The following GMDS variants were observed in gnomAD, a reference collection of about 807,000 sequenced individuals.
The protein encoded by GMDS is GDP-mannose 4,6 dehydratase.
In GMDS, 20 loss-of-function variants were observed where a neutral mutation model predicts 49.9. The observed-to-expected ratio is 0.40, with a 90% confidence interval of 0.28 to 0.58. The LOEUF (loss-of-function observed/expected upper bound fraction) is 0.58, where lower values mean the gene tolerates loss of function less well. Ranked by LOEUF, GMDS falls within the 20% of genes least tolerant of loss-of-function variation. The pLI, the probability that GMDS is intolerant of heterozygous loss-of-function variation, is 0.42. For missense variants in GMDS, 362 were observed against 481.4 expected (o/e 0.75, Z 2.32); for synonymous variants, 177 against 178.6 (o/e 0.99, Z 0.07).
intron 6 of GMDS, among the ~76,000 whole-genome samples, chr6:1,948,467 T>TA (rs1286680770): frequency 3.9e-5 from 6 of 152,138 alleles, no homozygotes; most frequent in Admixed American, 6.5e-5. Flanking sequence ...ACAGGACCAT[T>TA]AAAAAAATAC....
At chr6:1,895,619 C>T (rs1391931332) in intron 7 of GMDS, among the ~76,000 whole-genome samples, 1 of 152,214 alleles carries the variant, frequency 6.6e-6, no homozygotes, top group Non-Finnish European at 1.5e-5. Flanking sequence ...TTTTATTGAA[C>T]AGACGTGCTT....
chr6:1,943,060 T>C (rs1762893585), intron 6 of GMDS, among the ~76,000 whole-genome samples: 1 of 152,216 alleles, frequency 6.6e-6, no homozygotes, highest in African/African-American at 2.4e-5. Flanking sequence ...AAACTGCCTA[T>C]GGGCCGGAAG....
chr6:2,119,974 T>C (rs1325316151), intron 2 of GMDS, among the ~76,000 whole-genome samples: 1 of 152,226 alleles, frequency 6.6e-6, no homozygotes, highest in African/African-American at 2.4e-5. Context: ...ATTTATTAAT[T>C]ATGATCAAGA....
intron 7 of GMDS, among the ~76,000 whole-genome samples, chr6:1,868,061 A>G (rs1216963853): frequency 6.6e-6 from 1 of 151,020 alleles, no homozygotes; most frequent in Non-Finnish European, 1.5e-5. Flanking sequence ...ATCTTGGCTC[A>G]CTGCAACCTC....
intron 9 of GMDS, among the ~76,000 whole-genome samples, chr6:1,678,327 C>A (rs1290930448): frequency 2.0e-5 from 3 of 152,188 alleles, no homozygotes; most frequent in African/African-American, 7.2e-5. Flanking sequence ...TAGTCAATCA[C>A]CCTCCCAATG....
At chr6:2,169,620 G>GC (rs1285556745) in intron 1 of GMDS, among the ~76,000 whole-genome samples, 2 of 93,108 alleles carry the variant, frequency 2.1e-5, no homozygotes, top group African/African-American at 1.6e-4. Flanking sequence ...CCACCAGGCA[G>GC]CAAAAAAAAA....
At chr6:1,769,346 G>T (rs1768484045) in intron 7 of GMDS, among the ~76,000 whole-genome samples, 2 of 152,342 alleles carry the variant, frequency 1.3e-5, no homozygotes, top group Non-Finnish European at 1.5e-5. Flanking sequence ...CAAAGCTGGA[G>T]GAAATAAAGA....
At chr6:1,958,241 A>C (rs1444474621) in intron 6 of GMDS, among the ~76,000 whole-genome samples, 1 of 151,892 alleles carries the variant, frequency 6.6e-6, no homozygotes, top group East Asian at 1.9e-4. Context: ...TTTACTTTGC[A>C]ACCCAGGAAT....
At chr6:2,122,223 T>G (rs146988235) in intron 2 of GMDS, among the ~76,000 whole-genome samples, 1 of 152,190 alleles carries the variant, frequency 6.6e-6, no homozygotes, top group Non-Finnish European at 1.5e-5. Flanking sequence ...CCTTTAGTTG[T>G]GGTGGTTTCT....
intron 1 of GMDS, among the ~76,000 whole-genome samples, chr6:2,175,067 G>A (rs768643010): frequency 9.9e-5 from 15 of 152,108 alleles, no homozygotes; most frequent in Non-Finnish European, 1.6e-4. Context: ...AGGGGGGTGA[G>A]GGTAGCTATT....
At chr6:2,104,978 C>A (rs562489686) in intron 4 of GMDS, among the ~76,000 whole-genome samples, 1 of 151,862 alleles carries the variant, frequency 6.6e-6, no homozygotes, top group Admixed American at 6.6e-5. Context: ...GTCAGGAGAT[C>A]GAGACCATCC....
At chr6:1,861,917 A>G (rs1243288378) in intron 7 of GMDS, among the ~76,000 whole-genome samples, 1 of 152,262 alleles carries the variant, frequency 6.6e-6, no homozygotes, top group Non-Finnish European at 1.5e-5. Context: ...TGCACTGAAA[A>G]TTATGATTGT....
In GMDS at chr6:2,092,547, A is replaced by G. The variant is rs570523071; in HGVS notation, c.345+23224T>C. ...GTTGTGTCTGGCATAATTTTAGCGC[A>G]TTTATTGTACGTAACAGATTTGTTT... On this transcript the variant is annotated intron_variant, in intron 4 of 10. Coordinates refer to ENST00000380815, the MANE Select transcript of GMDS (RefSeq NM_001500.4). Among the ~76,000 whole-genome samples the G allele has an allele frequency of 2.5e-4, 38 of 152,344 alleles. 1 individual carries two copies. Among genetic ancestry groups the G allele is most frequent in the Admixed American group, 2.1e-3 (32 of 15,294 alleles).
intron 4 of GMDS, among the ~76,000 whole-genome samples, chr6:2,098,168 T>C (rs992596715): frequency 6.6e-6 from 1 of 152,174 alleles, no homozygotes; most frequent in African/African-American, 2.4e-5. Flanking sequence ...CAGGTGATTC[T>C]CCTGCCTCAG....
At chr6:1,650,323 C>G (rs970479365) in intron 9 of GMDS, among the ~76,000 whole-genome samples, 1 of 152,100 alleles carries the variant, frequency 6.6e-6, no homozygotes, top group African/African-American at 2.4e-5. Context: ...AAAAACCAAC[C>G]ATTAATTATA....
chr6:1,776,170 C>G (rs1383561656), intron 7 of GMDS, among the ~76,000 whole-genome samples: 4 of 152,190 alleles, frequency 2.6e-5, no homozygotes, highest in African/African-American at 9.6e-5. Flanking sequence ...CAAGAAGACA[C>G]AGAGTTTTCT....
Position 2,117,560 on chromosome 6 carries a change from A to C in GMDS, c.148-4T>G. ...ACCGCCGTACAATTCCATGGACCTG[A>C]GTTTTTACAGTGTGGAAAGATAAAT... is the stretch of plus-strand genomic sequence containing the variant. On this transcript the variant is annotated splice_polypyrimidine_tract_variant and splice_region_variant and intron_variant, in intron 2 of 10. Transcript: ENST00000380815. The C allele has an allele frequency of 6.5e-7, 1 of 1,532,292 alleles. No individual in the cohort carries two copies. Among genetic ancestry groups the C allele is most frequent in the Non-Finnish European group, 9.0e-7 (1 of 1,105,370 alleles). The allele number at this position is 1,532,292 out of a possible 1,614,324, so 94.9% of individuals were successfully genotyped here.
chr6:1,805,650 A>T (rs923746260), intron 7 of GMDS, among the ~76,000 whole-genome samples: 9 of 152,316 alleles, frequency 5.9e-5, no homozygotes, highest in Admixed American at 3.9e-4. Context: ...AGATTTTTTT[A>T]AATTTTGAAA....
intron 7 of GMDS, among the ~76,000 whole-genome samples, chr6:1,865,054 C>T (rs1758378998): frequency 6.6e-6 from 1 of 152,146 alleles, no homozygotes; most frequent in African/African-American, 2.4e-5. Flanking sequence ...ATCATCTGTG[C>T]TCCCCAACTC....
Sources: allele counts gnomAD v4.1 joint callset (sites outside exome capture counted in the v4.1 genomes callset), GRCh38; gene constraint gnomAD v4.1.1; transcripts MANE v1.5; gene names NCBI Gene and HGNC (gene_info 2026-07-23, HGNC 2026-07-21).